Variants in FAM168A observed in about 807,000 individuals in gnomAD.
FAM168A encodes protein FAM168A.
A neutral mutation model predicts 28.5 loss-of-function variants in FAM168A; 3 were observed. The observed-to-expected ratio is 0.11, with a 90% CI of 0.05 to 0.27. The LOEUF (loss-of-function observed/expected upper bound fraction) is 0.27. Among genes scored for constraint, FAM168A ranks in the 10% least tolerant of loss-of-function variants. FAM168A has a pLI of 1.00. For missense variants in FAM168A, 222 were observed against 311.5 expected (o/e 0.71, Z 2.16); for synonymous variants, 122 against 124.2 (o/e 0.98, Z 0.12).
intron 1 of FAM168A, among the ~76,000 whole-genome samples, chr11:73,573,400 A>G (rs1201928277): frequency 6.6e-6 from 1 of 152,122 alleles, no homozygotes; most frequent in African/African-American, 2.4e-5. Flanking sequence ...TCTAGGGATC[A>G]AGATTAGACC....
chr11:73,567,780 T>C (rs1399098468), intron 1 of FAM168A, among the ~76,000 whole-genome samples: 1 of 152,208 alleles, frequency 6.6e-6, no homozygotes, highest in South Asian at 2.1e-4. Context: ...CATGGACTTA[T>C]TTCAAGGTAG....
In FAM168A at chr11:73,469,742, T is replaced by G. The variant is rs561972105; in HGVS notation, c.-18-1250A>C. 9.9e-5 allele frequency among the ~76,000 whole-genome samples: 15 copies of G among 152,226 alleles called. No individual in the cohort carries two copies. The South Asian group carries it at 3.1e-3, about 32-fold the overall frequency. On this transcript the variant is annotated intron_variant, in intron 1 of 7. Coordinates refer to ENST00000356467, the MANE Select transcript of FAM168A (RefSeq NM_015159.3). ...ACTAGAACAACTTGAAGATGAAAGT[T>G]AAAGGAGTTATATATATATTTCAGT...
At chr11:73,472,841 G>C (rs544959784) in intron 1 of FAM168A, among the ~76,000 whole-genome samples, 1 of 152,290 alleles carries the variant, frequency 6.6e-6, no homozygotes, top group East Asian at 1.9e-4. Context: ...CCATTTACTG[G>C]TGAGAACTAT....
intron 1 of FAM168A, among the ~76,000 whole-genome samples, chr11:73,521,789 T>C (rs1049201092): frequency 2.6e-5 from 4 of 152,280 alleles, no homozygotes; most frequent in African/African-American, 7.2e-5. Context: ...AAGCTGTTAG[T>C]TGGCAAATGA....
chr11:73,458,648 T>C (rs1478089045), intron 2 of FAM168A, among the ~76,000 whole-genome samples: 1 of 152,334 alleles, frequency 6.6e-6, no homozygotes, highest in East Asian at 1.9e-4. Flanking sequence ...CGTTGCACTG[T>C]CGCCCAGGCT....
At position 73,400,573 on chromosome 11, in the gene FAM168A, T is replaced by C. The variant is rs1866387312; in HGVS notation, c.*6190A>G. 2 of 152,242 alleles carry C rather than the reference T, an allele frequency of 1.3e-5. No individual in the cohort carries two copies. The highest frequency in any genetic ancestry group is 6.5e-5 in the Admixed American group (1 of 15,282). The allele number at this position is 152,242 out of a possible 1,614,324, so 9.4% of individuals were successfully genotyped here. A position where few individuals can be genotyped will look rare whatever the true frequency, so the allele number is the denominator to read the frequency against. ...TCACTGTGCTCCCACATCACACACT[T>C]AGGGTGGGTGCTGAAGTTGCCACTT... is the stretch of plus-strand genomic sequence containing the variant. On this transcript the variant is annotated 3_prime_UTR_variant, in exon 8 of 8. Coordinates refer to ENST00000356467, the MANE Select transcript of FAM168A (RefSeq NM_015159.3).
chr11:73,555,542 T>TA (rs1464259499), intron 1 of FAM168A, among the ~76,000 whole-genome samples: 2 of 151,634 alleles, frequency 1.3e-5, no homozygotes, highest in Non-Finnish European at 2.9e-5. Context: ...CCATCTCTAC[T>TA]AAAAATATAA....
intron 1 of FAM168A, among the ~76,000 whole-genome samples, chr11:73,484,536 C>CTATCTATATCTATATATA (rs1565265672): frequency 1.4e-5 from 2 of 143,912 alleles, no homozygotes; most frequent in Non-Finnish European, 3.0e-5. Context: ...ATCTATATAT[C>CTATCTATATCTATATATA]TATATATCTA....
chr11:73,490,299 T>C (rs1255227731), intron 1 of FAM168A, among the ~76,000 whole-genome samples: 1 of 148,086 alleles, frequency 6.8e-6, no homozygotes, highest in African/African-American at 2.6e-5. Flanking sequence ...CTGCCCCCCC[T>C]GTTTTTGCAT....
At chr11:73,522,472 G>T (rs921231790) in intron 1 of FAM168A, among the ~76,000 whole-genome samples, 4 of 151,906 alleles carry the variant, frequency 2.6e-5, no homozygotes, top group Non-Finnish European at 4.4e-5. Flanking sequence ...AAGTAGCTGG[G>T]ACTACAGGTG....
chr11:73,506,673 T>C (rs1267585247), intron 1 of FAM168A, among the ~76,000 whole-genome samples: 1 of 152,164 alleles, frequency 6.6e-6, no homozygotes, highest in African/African-American at 2.4e-5. Context: ...CCTCCATCTT[T>C]AACCCTCTAT....
chr11:73,473,044 A>G (rs1174041898), intron 1 of FAM168A, among the ~76,000 whole-genome samples: 1 of 152,080 alleles, frequency 6.6e-6, no homozygotes, highest in Non-Finnish European at 1.5e-5. Flanking sequence ...AAAATAATAA[A>G]TACTACCCCT....
chr11:73,529,909 C>T (rs986891592), intron 1 of FAM168A, among the ~76,000 whole-genome samples: 1 of 150,882 alleles, frequency 6.6e-6, no homozygotes, highest in African/African-American at 2.5e-5. Flanking sequence ...GCCTCAGTCT[C>T]CAGAGTAGCT....
rs556093173 is a variant in FAM168A, at chr11:73,520,621, G to A, written c.-18-52129C>T. Among the ~76,000 whole-genome samples, 9 of 152,146 alleles carry A rather than the reference G, an allele frequency of 5.9e-5. 1 individual carries two copies. The South Asian group carries it at 8.3e-4, about 14-fold the overall frequency. Reference sequence around the variant, plus strand: ...GCATTACATAAATCACACCTGATTCGACCTAATTTTGTTAGCAGTCATCTC... The same window carrying A: ...GCATTACATAAATCACACCTGATTCAACCTAATTTTGTTAGCAGTCATCTC... On this transcript the variant is annotated intron_variant, in intron 1 of 7. Coordinates refer to ENST00000356467, the MANE Select transcript of FAM168A (RefSeq NM_015159.3).
At chr11:73,532,195 G>A (rs1306199115) in intron 1 of FAM168A, among the ~76,000 whole-genome samples, 1 of 151,900 alleles carries the variant, frequency 6.6e-6, no homozygotes, top group African/African-American at 2.4e-5. Context: ...TATCTGTTTA[G>A]TGCTCTTTAT....
intron 2 of FAM168A, among the ~76,000 whole-genome samples, chr11:73,463,554 C>T (rs1867686095): frequency 6.6e-6 from 1 of 152,116 alleles, no homozygotes; most frequent in South Asian, 2.1e-4. Context: ...GAATGGTTTG[C>T]CACAGCCCTA....
chr11:73,411,303 C>T, intron 5 of FAM168A, 91 bp downstream of exon 5: 2 of 1,418,076 alleles, frequency 1.4e-6, no homozygotes, highest in Non-Finnish European at 1.9e-6. Context: ...CCATCCTCTC[C>T]TTCCCTCACT....
chr11:73,442,486 G>A (rs1197070003), intron 2 of FAM168A, among the ~76,000 whole-genome samples: 2 of 151,978 alleles, frequency 1.3e-5, no homozygotes, highest in African/African-American at 4.8e-5. Context: ...GGTATGTTAT[G>A]TTTCATTCAT....
chr11:73,575,679 G>A (rs1341012562), intron 1 of FAM168A, among the ~76,000 whole-genome samples: 3 of 152,128 alleles, frequency 2.0e-5, no homozygotes, highest in Non-Finnish European at 4.4e-5. Flanking sequence ...AGACCAGCCT[G>A]GTCAACGTGG....
Sources: allele counts gnomAD v4.1 joint callset (sites outside exome capture counted in the v4.1 genomes callset), GRCh38; gene constraint gnomAD v4.1.1; transcripts MANE v1.5; gene names NCBI Gene and HGNC (gene_info 2026-07-23, HGNC 2026-07-21).